RGS6: variants seen among roughly 807,000 people sequenced by gnomAD.
The protein encoded by RGS6 is regulator of G-protein signaling 6.
RGS6 carries 30 observed loss-of-function variants against 78.5 expected under a neutral mutation model. That is an observed-to-expected ratio of 0.38 (90% confidence interval 0.29 to 0.52). The LOEUF (loss-of-function observed/expected upper bound fraction) is 0.52. Ranked by LOEUF, RGS6 falls within the 20% of genes least tolerant of loss-of-function variation. The pLI is 0.85. For synonymous variants in RGS6, 206 were observed against 206.0 expected (o/e 1.00, Z 0.00); for missense variants, 495 against 609.7 (o/e 0.81, Z 1.98).
chr14:72,419,056 T>C (rs2094011375), intron 3 of RGS6, among the ~76,000 whole-genome samples: 1 of 152,164 alleles, frequency 6.6e-6, no homozygotes, highest in African/African-American at 2.4e-5. Flanking sequence ...TTCCCAGCCT[T>C]CTACAGTGGA....
chr14:72,149,876 A>G (rs925982035), intron 2 of RGS6, among the ~76,000 whole-genome samples: 4 of 152,186 alleles, frequency 2.6e-5, no homozygotes, highest in African/African-American at 4.8e-5. Flanking sequence ...TCATGCCTGT[A>G]TGGTTCCCTT....
intron 2 of RGS6, among the ~76,000 whole-genome samples, chr14:71,990,104 A>G (rs1461121776): frequency 6.6e-6 from 1 of 152,188 alleles, no homozygotes; most frequent in Non-Finnish European, 1.5e-5. Flanking sequence ...CCCAAAGGGC[A>G]TCCTGGCTTT....
chr14:72,465,622 G>GTGGATGGGTGGA (rs2095886472), intron 6 of RGS6, 136 bp from the exon 7 acceptor site: 83 of 355,610 alleles, frequency 2.3e-4, no homozygotes, highest in African/African-American at 6.5e-4. Context: ...GGGTGGATGG[G>GTGGATGGGTGGA]TGGATGGATG....
chr14:72,337,239 A>G (rs1230442735), intron 2 of RGS6, among the ~76,000 whole-genome samples: 2 of 54,054 alleles, frequency 3.7e-5, no homozygotes, highest in African/African-American at 1.6e-4. Flanking sequence ...CCCATCACCC[A>G]TTTCAACCTC....
At chr14:72,220,391 A>G (rs2046582948) in intron 2 of RGS6, among the ~76,000 whole-genome samples, 1 of 152,208 alleles carries the variant, frequency 6.6e-6, no homozygotes, top group Non-Finnish European at 1.5e-5. Flanking sequence ...TGGATAAAGT[A>G]GATTATGATT....
chr14:72,540,805 G>A (rs1031312545), intron 17 of RGS6: 2 of 985,296 alleles, frequency 2.0e-6, no homozygotes, highest in Non-Finnish European at 2.4e-6. Context: ...AACAGGCTGG[G>A]TAAAGATGGG....
intron 3 of RGS6, among the ~76,000 whole-genome samples, chr14:72,443,841 T>C (rs993729931): frequency 6.6e-6 from 1 of 152,200 alleles, no homozygotes; most frequent in African/African-American, 2.4e-5. Flanking sequence ...ATTCGATTCT[T>C]ATTTCTGCCT....
At chr14:72,411,787 A>G (rs2093432330) in intron 3 of RGS6, among the ~76,000 whole-genome samples, 1 of 152,156 alleles carries the variant, frequency 6.6e-6, no homozygotes, top group South Asian at 2.1e-4. Flanking sequence ...GCGTTGTTGA[A>G]TTTTGTCAAA....
chr14:72,113,237 C>T (rs2095812841), intron 2 of RGS6, among the ~76,000 whole-genome samples: 1 of 152,220 alleles, frequency 6.6e-6, no homozygotes, highest in Non-Finnish European at 1.5e-5. Context: ...TGTACGTTTA[C>T]ACATATTTAT....
rs148559024 is a variant in RGS6 at position 72,500,663 on chromosome 14, G to A, written c.965+5401G>A. 3.4e-4 allele frequency among the ~76,000 whole-genome samples: 52 copies of A among 152,336 alleles called. No homozygotes were observed. In the East Asian group the frequency reaches 9.6e-3, roughly 28 times the overall value. On this transcript the variant is annotated intron_variant, in intron 13 of 17. Coordinates refer to ENST00000553525, the MANE Select transcript of RGS6 (RefSeq NM_001204424.2). ...GACATTAAGCCACTTGGGGCAGAAGGTAAGGCCCTAAGGGCAGAAGGGTTG... is the reference window on the plus strand; with the variant it reads ...GACATTAAGCCACTTGGGGCAGAAGATAAGGCCCTAAGGGCAGAAGGGTTG...
chr14:71,945,621 A>G (rs779565597), intron 1 of RGS6, among the ~76,000 whole-genome samples: 2 of 152,222 alleles, frequency 1.3e-5, no homozygotes, highest in South Asian at 2.1e-4. Flanking sequence ...CTCATTGTCA[A>G]GAGAGACCTG....
chr14:72,148,409 A>G (rs1274969971), intron 2 of RGS6, among the ~76,000 whole-genome samples: 1 of 152,144 alleles, frequency 6.6e-6, no homozygotes, highest in African/African-American at 2.4e-5. Context: ...TAAAAAAATG[A>G]GGGTTTTATT....
At chr14:72,242,539 A>C (rs111247701) in intron 2 of RGS6, among the ~76,000 whole-genome samples, 2 of 152,178 alleles carry the variant, frequency 1.3e-5, no homozygotes, top group Admixed American at 6.5e-5. Flanking sequence ...ATAATAGATA[A>C]ATTTTTCATC....
the RGS6 span, among the ~76,000 whole-genome samples, chr14:71,921,481 G>A: frequency 7.2e-5 from 11 of 152,164 alleles, no homozygotes; most frequent in South Asian, 2.1e-4. Flanking sequence ...CATGTCTACC[G>A]ATGGATGAAT....
intron 2 of RGS6, among the ~76,000 whole-genome samples, chr14:72,253,357 A>C (rs1207841591): frequency 6.6e-6 from 1 of 152,238 alleles, no homozygotes. Flanking sequence ...TGTGATTGGA[A>C]GGTTATTTGT....
chr14:72,547,306 A>G lies in RGS6; in HGVS notation c.1422+7212A>G. 3 of 1,535,706 alleles carry G rather than the reference A, an allele frequency of 2.0e-6. No homozygotes were observed. The South Asian group carries it at 3.6e-5, about 18-fold the overall frequency. ...GGAGACCCAACTCTGCCTGTGGTCCAGACTGGAAAGTTCAAAGAGAAGTCA... is the reference window on the plus strand; with the variant it reads ...GGAGACCCAACTCTGCCTGTGGTCCGGACTGGAAAGTTCAAAGAGAAGTCA... On this transcript the variant is annotated intron_variant, in intron 17 of 17. Coordinates refer to ENST00000553525, the MANE Select transcript of RGS6 (RefSeq NM_001204424.2).
chr14:72,222,327 GA>G (rs1427255702), intron 2 of RGS6, among the ~76,000 whole-genome samples: 1 of 152,206 alleles, frequency 6.6e-6, no homozygotes, highest in African/African-American at 2.4e-5. Context: ...ACTGCCTGGG[GA>G]ACTGCCTTTG....
intron 12 of RGS6, among the ~76,000 whole-genome samples, chr14:72,491,855 A>G (rs184732107): frequency 6.6e-6 from 1 of 152,328 alleles, no homozygotes; most frequent in Non-Finnish European, 1.5e-5. Flanking sequence ...GCATGGGGCT[A>G]ACAGCAGAGG....
chr14:72,229,955 A>G (rs1014743476), intron 2 of RGS6, among the ~76,000 whole-genome samples: 1 of 152,202 alleles, frequency 6.6e-6, no homozygotes. Flanking sequence ...GTTTGGCCTC[A>G]TTTACATCCT....
Sources: gnomAD v4.1 joint callset for allele counts (sites outside exome capture counted in the v4.1 genomes callset) on GRCh38, gnomAD v4.1.1 for gene constraint, MANE v1.5 for transcripts, NCBI Gene and HGNC (gene_info 2026-07-23, HGNC 2026-07-21) for gene names.